ANKRD31: variants seen among roughly 807,000 people sequenced by gnomAD.
ANKRD31 encodes ankyrin repeat domain 31.
Under a neutral mutation model 186.0 loss-of-function variants are expected in ANKRD31, and 147 were observed. The observed-to-expected ratio is 0.79, with a 90% CI of 0.69 to 0.91. ANKRD31 has a LOEUF of 0.91. ANKRD31 is among the 40% of genes least tolerant of loss of function. ANKRD31 has a pLI of 0.00. For synonymous variants in ANKRD31, 673 were observed against 736.4 expected (o/e 0.91, Z 1.39); for missense variants, 1,986 against 2,148.8 (o/e 0.92, Z 1.50).
intron 5 of ANKRD31, among the ~76,000 whole-genome samples, chr5:75,204,019 G>A (rs539109125): frequency 2.1e-3 from 323 of 152,056 alleles, no homozygotes; most frequent in Non-Finnish European, 3.7e-3. Flanking sequence ...TACCCCTTGC[G>A]CTTACATTTG....
At chr5:75,169,797 C>T (rs1192409594) in intron 10 of ANKRD31, among the ~76,000 whole-genome samples, 2 of 152,100 alleles carry the variant, frequency 1.3e-5, no homozygotes, top group African/African-American at 2.4e-5. Context: ...ATAGGGATTA[C>T]GAATCTCAGC....
At chr5:75,142,939 T>C (rs1272702178) in intron 15 of ANKRD31, among the ~76,000 whole-genome samples, 2 of 152,196 alleles carry the variant, frequency 1.3e-5, no homozygotes, top group African/African-American at 4.8e-5. Flanking sequence ...GTGGTAGCTG[T>C]AACAAATTAC....
intron 11 of ANKRD31, among the ~76,000 whole-genome samples, chr5:75,158,259 C>A (rs948851271): frequency 6.6e-6 from 1 of 152,132 alleles, no homozygotes; most frequent in African/African-American, 2.4e-5. Context: ...TTAAACACAA[C>A]CTCTAACCAA....
intron 5 of ANKRD31, among the ~76,000 whole-genome samples, chr5:75,201,301 T>G (rs1244190868): frequency 6.6e-6 from 1 of 152,208 alleles, no homozygotes; most frequent in Non-Finnish European, 1.5e-5. Context: ...GTCATAAGAA[T>G]AAATAATTTC....
chr5:75,230,536 T>C, intron 2 of ANKRD31, 26 bp downstream of exon 2: 1 of 1,507,624 alleles, frequency 6.6e-7, no homozygotes, highest in South Asian at 1.2e-5. Flanking sequence ...CTAAAGGGAC[T>C]ACTTAATGAA....
intron 11 of ANKRD31, among the ~76,000 whole-genome samples, chr5:75,157,531 T>C (rs2150165096): frequency 6.6e-6 from 1 of 152,320 alleles, no homozygotes; most frequent in South Asian, 2.1e-4. Context: ...GAGATTCCTG[T>C]AAGAAAAGTG....
Position 75,104,877 on chromosome 5 carries a change from G to A in ANKRD31, c.4682C>T (p.Ser1561Leu). ...AAATTCTCCCCTTCTCACTGCCTCTGAATTTAGACAAATGTTGGTATTTTG... is the reference window on the plus strand; with the variant it reads ...AAATTCTCCCCTTCTCACTGCCTCTAAATTTAGACAAATGTTGGTATTTTG... ...YSQNTNICLN[S>L]EAVRRGEFSG... The change falls in exon 22 of 26, where the codon TCA becomes TTA. Residue 1561 changes from serine (S) to leucine (L), a missense_variant. Physicochemically the swap from Ser to Leu is moderately radical, Grantham distance 145 (BLOSUM62 -2). Transcript: ENST00000506364. 6.5e-7 allele frequency: 1 copy of A among 1,537,146 alleles called. No individual in the cohort carries two copies. The highest frequency in any genetic ancestry group is 8.7e-7 in the Non-Finnish European group (1 of 1,146,878).
intron 15 of ANKRD31, among the ~76,000 whole-genome samples, chr5:75,143,485 C>T (rs1472874662): frequency 6.6e-6 from 1 of 152,092 alleles, no homozygotes; most frequent in Non-Finnish European, 1.5e-5. Context: ...TCTTAACAGA[C>T]AGTATGTAAA....
chr5:75,175,721 T>C (rs187976637), intron 10 of ANKRD31, among the ~76,000 whole-genome samples: 2 of 151,488 alleles, frequency 1.3e-5, no homozygotes. Context: ...CATGCTGGGG[T>C]GTTTAGTGAT....
intron 25 of ANKRD31, among the ~76,000 whole-genome samples, chr5:75,070,113 C>A (rs1744099436): frequency 6.6e-6 from 1 of 152,014 alleles, no homozygotes; most frequent in Non-Finnish European, 1.5e-5. Flanking sequence ...ACTTATAATC[C>A]AAAGAATTTA....
intron 1 of ANKRD31, among the ~76,000 whole-genome samples, chr5:75,231,341 G>T (rs1445351921): frequency 2.0e-5 from 3 of 151,796 alleles, no homozygotes; most frequent in African/African-American, 4.8e-5. Flanking sequence ...CTCCCAAAGT[G>T]CTGGGATTAC....
rs566905972 is a variant in ANKRD31, at chr5:75,235,712, A to C, written c.104+871T>G. Among the ~76,000 whole-genome samples the C allele has an allele frequency of 3.3e-5, 5 of 152,300 alleles. No individual in the cohort carries two copies. In the East Asian group the frequency reaches 9.7e-4, roughly 29 times the overall value. ...GCAACTGGGGAACATAAAACTCAAGAGAAAGTGTCTACCAGAGGAACTGGG... is the reference window on the plus strand; with the variant it reads ...GCAACTGGGGAACATAAAACTCAAGCGAAAGTGTCTACCAGAGGAACTGGG... On this transcript the variant is annotated intron_variant, in intron 1 of 25. Transcript: ENST00000506364.
chr5:75,172,594 A>G (rs1461501519), intron 10 of ANKRD31, among the ~76,000 whole-genome samples: 2 of 152,240 alleles, frequency 1.3e-5, no homozygotes, highest in African/African-American at 4.8e-5. Context: ...CTGCCATCAG[A>G]GAATACTATA....
intron 11 of ANKRD31, among the ~76,000 whole-genome samples, chr5:75,158,586 G>A (rs928750108): frequency 6.6e-6 from 1 of 152,086 alleles, no homozygotes; most frequent in Non-Finnish European, 1.5e-5. Flanking sequence ...AACCAGCCTA[G>A]GTGACACAAG....
intron 11 of ANKRD31, among the ~76,000 whole-genome samples, chr5:75,168,228 C>A (rs1420329374): frequency 6.6e-6 from 1 of 152,184 alleles, no homozygotes; most frequent in Non-Finnish European, 1.5e-5. Flanking sequence ...TTAGGCATTT[C>A]TTCTGTAAAT....
chr5:75,135,932 A>C (rs1258207825), intron 17 of ANKRD31, among the ~76,000 whole-genome samples: 1 of 152,266 alleles, frequency 6.6e-6, no homozygotes, highest in Non-Finnish European at 1.5e-5. Context: ...TTCCCTATTT[A>C]GTAAATGGTA....
At chr5:75,215,682 C>G (rs1209165623) in intron 3 of ANKRD31, among the ~76,000 whole-genome samples, 2 of 151,480 alleles carry the variant, frequency 1.3e-5, no homozygotes, top group Non-Finnish European at 2.9e-5. Flanking sequence ...TAAAATAGCT[C>G]ATCATTTCTA....
intron 22 of ANKRD31, among the ~76,000 whole-genome samples, chr5:75,092,119 G>C (rs1445304221): frequency 6.6e-6 from 1 of 152,200 alleles, no homozygotes; most frequent in Non-Finnish European, 1.5e-5. Context: ...GCTTAGAACA[G>C]ATAGCTCCTA....
At position 75,198,718 on chromosome 5, in the gene ANKRD31, T is replaced by C. The variant is rs543128200; in HGVS notation, c.447+913A>G. ...ATAGATCCACAGAAGAACAGGTACT[T>C]GAGCCAGAAATTAAAGATTTGTGGA... On this transcript the variant is annotated intron_variant, in intron 6 of 25. Coordinates refer to ENST00000506364, the MANE Select transcript of ANKRD31 (RefSeq NM_001372053.1). Among the ~76,000 whole-genome samples the C allele has an allele frequency of 4.6e-5, 7 of 152,278 alleles. No individual in the cohort carries two copies. In the East Asian group the frequency reaches 1.3e-3, roughly 29 times the overall value.
Sources: gnomAD v4.1 joint callset for allele counts (sites outside exome capture counted in the v4.1 genomes callset) on GRCh38, gnomAD v4.1.1 for gene constraint, MANE v1.5 for transcripts, NCBI Gene and HGNC (gene_info 2026-07-23, HGNC 2026-07-21) for gene names.